The following TEX22 variants were observed in gnomAD, a reference collection of about 807,000 sequenced individuals.
TEX22 encodes testis-expressed protein 22.
A neutral mutation model predicts 11.3 loss-of-function variants in TEX22; 16 were observed. The observed-to-expected ratio is 1.42, with a 90% CI of 0.96 to 2.15. The LOEUF (loss-of-function observed/expected upper bound fraction) is 2.15, where lower values mean the gene tolerates loss of function less well. Among genes scored for constraint, TEX22 ranks in the 30% most tolerant of loss-of-function variants. TEX22 has a pLI of 0.00. For synonymous variants in TEX22, 97 were observed against 92.3 expected, an observed-to-expected ratio of 1.05 and a Z score of -0.29; for missense variants, 220 against 208.6, an observed-to-expected ratio of 1.05 and a Z score of -0.34.
At chr14:105,403,775 A>T (rs976743203) in intron 2 of TEX22, among the ~76,000 whole-genome samples, 33 of 152,198 alleles carry the variant, frequency 2.2e-4, no homozygotes, top group African/African-American at 7.7e-4. Flanking sequence ...AGTGTTTTTT[A>T]AAAAAACAGA....
rs587616663 is a variant in TEX22, at chr14:105,408,098, A to T, written c.151-3270A>T. Among the ~76,000 whole-genome samples the T allele has an allele frequency of 2.0e-3, 306 of 152,200 alleles. 1 individual carries two copies. The highest frequency in any genetic ancestry group is 6.9e-3 in the African/African-American group (286 of 41,506). On this transcript the variant is annotated intron_variant, in intron 2 of 3. Coordinates refer to ENST00000451127, the MANE Select transcript of TEX22 (RefSeq NM_001195082.2). ...TCATTACTTAAATCTTATTTTTTTTAAATTTTAAATTACTTTTGTTAAAAC... is the reference window on the plus strand; with the variant it reads ...TCATTACTTAAATCTTATTTTTTTTTAATTTTAAATTACTTTTGTTAAAAC...
intron 3 of TEX22, 58 bp downstream of exon 3, chr14:105,411,554 C>T (rs2081692278): frequency 4.2e-6 from 5 of 1,184,952 alleles, no homozygotes; most frequent in Non-Finnish European, 5.2e-6. Context: ...CCCTCCGCCT[C>T]GCCTCCCTCG....
chr14:105,411,752 C>A lies in TEX22; in HGVS notation c.372C>A (p.Asn124Lys). ...CGCTGAGGTCCACCGAGTCCACCAA[C>A]GCCTTCCAGGCCTTCCTGGCGCGCA... ...PHPLRSTEST[N>K]AFQAFLARSA... Residue 124 changes from asparagine to lysine, a missense_variant, in exon 4 of 4, where the codon AAC becomes AAA. Physicochemically the swap from Asn to Lys is moderately conservative, Grantham distance 94. Coordinates refer to ENST00000451127, the MANE Select transcript of TEX22 (RefSeq NM_001195082.2). 6.6e-7 allele frequency: 1 copy of A among 1,518,098 alleles called. No homozygotes were observed. 94.0% of individuals were successfully genotyped at this position (1,518,098 alleles called of 1,614,324 possible). A position where few individuals can be genotyped will look rare whatever the true frequency, so the allele number is the denominator to read the frequency against.
chr14:105,402,147 C>T, intron 2 of TEX22, among the ~76,000 whole-genome samples: 1 of 152,126 alleles, frequency 6.6e-6, no homozygotes, highest in Non-Finnish European at 1.5e-5. Flanking sequence ...GATTCCGCCA[C>T]CACACTCCAG....
At chr14:105,403,739 C>T (rs2081644534) in intron 2 of TEX22, among the ~76,000 whole-genome samples, 1 of 152,202 alleles carries the variant, frequency 6.6e-6, no homozygotes, top group African/African-American at 2.4e-5. Context: ...ACGTTTTAAA[C>T]ATGCCAAGCT....
At chr14:105,402,526 G>T (rs112477525) in intron 2 of TEX22, among the ~76,000 whole-genome samples, 1 of 151,762 alleles carries the variant, frequency 6.6e-6, no homozygotes. Context: ...AGGCTGGGGC[G>T]GGCAGATCAC....
intron 2 of TEX22, among the ~76,000 whole-genome samples, chr14:105,407,812 T>C (rs1410556410): frequency 6.6e-6 from 1 of 151,928 alleles, no homozygotes; most frequent in African/African-American, 2.4e-5. Flanking sequence ...TGTGTCACTT[T>C]GTAGTTGCAG....
At chr14:105,409,303 G>A (rs1245666039) in intron 2 of TEX22, among the ~76,000 whole-genome samples, 2 of 152,136 alleles carry the variant, frequency 1.3e-5, no homozygotes, top group Non-Finnish European at 2.9e-5. Flanking sequence ...AAAGGGTTCA[G>A]AGGATGTGAA....
intron 2 of TEX22, among the ~76,000 whole-genome samples, chr14:105,408,295 G>T (rs1407008297): frequency 6.7e-6 from 1 of 150,226 alleles, no homozygotes; most frequent in African/African-American, 2.5e-5. Flanking sequence ...AGGCTGGAGT[G>T]CAGTGGCGTG....
rs367756383 is a variant in TEX22 at position 105,402,570 on chromosome 14, C to T, written c.150+3080C>T. On this transcript the variant is annotated intron_variant, in intron 2 of 3. Transcript: ENST00000451127. Reference sequence around the variant, plus strand: ...GAGATCAAGACCATCCTGGCTAACACGGTGAAACCCCGTCTCTACTAAAAA... The same window carrying T: ...GAGATCAAGACCATCCTGGCTAACATGGTGAAACCCCGTCTCTACTAAAAA... Among the ~76,000 whole-genome samples, 217 of 151,520 alleles carry T rather than the reference C, an allele frequency of 1.4e-3. 3 individuals carry two copies. Among genetic ancestry groups the T allele is most frequent in the Middle Eastern group, 6.9e-3 (2 of 290 alleles).
chr14:105,408,091 T>A (rs2081667924), intron 2 of TEX22, among the ~76,000 whole-genome samples: 1 of 152,198 alleles, frequency 6.6e-6, no homozygotes, highest in African/African-American at 2.4e-5. Flanking sequence ...TAAATCTTAT[T>A]TTTTTTAAAT....
At chr14:105,408,211 C>T (rs587750527) in intron 2 of TEX22, among the ~76,000 whole-genome samples, 3 of 151,860 alleles carry the variant, frequency 2.0e-5, no homozygotes, top group African/African-American at 7.2e-5. Context: ...GCACTTTTGC[C>T]GGTGCGCTGC....
chr14:105,410,952 C>T (rs2081686317), intron 2 of TEX22, among the ~76,000 whole-genome samples: 1 of 152,204 alleles, frequency 6.6e-6, no homozygotes, highest in Non-Finnish European at 1.5e-5. Flanking sequence ...TATTTTCTCC[C>T]GAACTCTCTT....
intron 2 of TEX22, among the ~76,000 whole-genome samples, chr14:105,408,241 T>C (rs1473764798): frequency 2.0e-5 from 3 of 151,344 alleles, no homozygotes; most frequent in Non-Finnish European, 4.4e-5. Context: ...TTTCTTTCTT[T>C]CTTCCTTTTT....
chr14:105,399,268 G>GGC, intron 1 of TEX22, 34 bp from the exon 2 acceptor site: 1 of 1,272,372 alleles, frequency 7.9e-7, no homozygotes. Context: ...GGCCTTGTGG[G>GGC]CCCCGCCCCA....
chr14:105,408,896 C>T lies in TEX22; in HGVS notation c.151-2472C>T, dbSNP rs985609403. 1.9e-4 allele frequency among the ~76,000 whole-genome samples: 29 copies of T among 152,090 alleles called. 1 individual carries two copies. Among genetic ancestry groups the T allele is most frequent in the African/African-American group, 6.3e-4 (26 of 41,402 alleles). Reference sequence around the variant, plus strand: ...TGTGGCATCGTGACCGTGGGATGGCCGTGTTGCCTTTGTGCTGTTTTCCCT... The same window carrying T: ...TGTGGCATCGTGACCGTGGGATGGCTGTGTTGCCTTTGTGCTGTTTTCCCT... On this transcript the variant is annotated intron_variant, in intron 2 of 3. Transcript: ENST00000451127.
chr14:105,407,184 C>T (rs890535256), intron 2 of TEX22, among the ~76,000 whole-genome samples: 2 of 151,676 alleles, frequency 1.3e-5, no homozygotes, highest in African/African-American at 2.4e-5. Flanking sequence ...TCTCCTGTCT[C>T]AGCCTCCTGA....
At chr14:105,403,377 A>G (rs1048597622) in intron 2 of TEX22, among the ~76,000 whole-genome samples, 1 of 152,128 alleles carries the variant, frequency 6.6e-6, no homozygotes, top group Non-Finnish European at 1.5e-5. Context: ...TTAGCTGTAA[A>G]CATCTTAGGT....
In TEX22 at chr14:105,411,807, G is replaced by A; in HGVS notation, c.427G>A (p.Glu143Lys). Residue 143 changes from glutamate (E) to lysine (K), a missense_variant, in exon 4 of 4, where the codon GAG (glutamate) becomes AAG (lysine). By Grantham distance (56) the Glu-to-Lys change is moderately conservative (BLOSUM62 1). Coordinates refer to ENST00000451127, the MANE Select transcript of TEX22 (RefSeq NM_001195082.2). ...GCCTTTCTGGCATAATGCGACTTTC[G>A]AGGCCTCGAGGTCACCCCCTTCCTA... ...SAPFWHNATF[E>K]ASRSPPS The A allele has an allele frequency of 6.9e-7, 1 of 1,450,658 alleles. No homozygotes were observed. Among genetic ancestry groups the A allele is most frequent in the South Asian group, 1.3e-5 (1 of 76,664 alleles). The allele number at this position is 1,450,658 out of a possible 1,614,324, so 89.9% of individuals were successfully genotyped here. A position where few individuals can be genotyped will look rare whatever the true frequency, so the allele number is the denominator to read the frequency against.
Sources: allele counts gnomAD v4.1 joint callset (sites outside exome capture counted in the v4.1 genomes callset), GRCh38; gene constraint gnomAD v4.1.1; transcripts MANE v1.5; gene names NCBI Gene and HGNC (gene_info 2026-07-23, HGNC 2026-07-21).